The following EDA variants were observed in gnomAD, a reference collection of about 807,000 sequenced individuals.
EDA encodes ectodysplasin A.
In EDA, 2 loss-of-function variants were observed where a neutral mutation model predicts 23.6. The ratio of observed to expected loss-of-function variants is 0.08; its 90% CI spans 0.03 to 0.27. The LOEUF (loss-of-function observed/expected upper bound fraction) is 0.27. Ranked by LOEUF, EDA falls within the 10% of genes least tolerant of loss-of-function variation. EDA has a pLI of 1.00. For missense variants in EDA, 229 were observed against 324.2 expected (o/e 0.71, Z 2.26); for synonymous variants, 131 against 132.0 (o/e 0.99, Z 0.05).
chrX:69,761,714 C>A lies in EDA; in HGVS notation c.396+145010C>A, dbSNP rs769882321. On this transcript the variant is annotated intron_variant, in intron 1 of 7. Transcript: ENST00000374552. Reference sequence around the variant, plus strand: ...ATAGGAATAGGACTGTTTGCCCCTACACTAAATGTCCCCAGACTACTATGC... The same window carrying A: ...ATAGGAATAGGACTGTTTGCCCCTAAACTAAATGTCCCCAGACTACTATGC... Among the ~76,000 whole-genome samples, 12 of 112,126 alleles carry A rather than the reference C, an allele frequency of 1.1e-4. No individual in the cohort carries two copies. In the South Asian group the frequency reaches 3.0e-3, roughly 28 times the overall value.
intron 3 of EDA, among the ~76,000 whole-genome samples, chrX:70,025,562 G>A (rs989457649): frequency 2.7e-5 from 3 of 111,823 alleles, no homozygotes; most frequent in African/African-American, 9.8e-5. Context: ...CTCAAGGAGA[G>A]GAAGGGATTT....
chrX:69,643,716 T>TA (rs1932869046), intron 1 of EDA, among the ~76,000 whole-genome samples: 1 of 112,215 alleles, frequency 8.9e-6, no homozygotes, highest in African/African-American at 3.2e-5. Flanking sequence ...GCCCAGATTT[T>TA]CTTTTAGGGT....
rs770654355 is a variant in EDA at position 69,710,732 on chromosome X, C to T, written c.396+94028C>T. Among the ~76,000 whole-genome samples, 1,002 of 111,356 alleles carry T rather than the reference C, an allele frequency of 9.0e-3. 22 individuals carry two copies. The highest frequency in any genetic ancestry group is 0.064 in the Admixed American group (666 of 10,441). The stretch of plus-strand genomic sequence containing the variant: ...ATCCCTTGTAAGTTGGATTCCTAGG[C>T]ATTTTATTCTCTTTGAAGCAATTGT... On this transcript the variant is annotated intron_variant, in intron 1 of 7. Coordinates refer to ENST00000374552, the MANE Select transcript of EDA (RefSeq NM_001399.5).
chrX:69,810,034 G>A (rs1241856623), intron 1 of EDA, among the ~76,000 whole-genome samples: 2 of 108,127 alleles, frequency 1.8e-5, no homozygotes, highest in African/African-American at 6.7e-5. Flanking sequence ...GGCTGAGGTG[G>A]GCGGATCACG....
chrX:69,753,034 G>C (rs1205027364), intron 1 of EDA, among the ~76,000 whole-genome samples: 4 of 110,636 alleles, frequency 3.6e-5, no homozygotes, highest in Non-Finnish European at 5.7e-5. Flanking sequence ...CCAGCTCCTG[G>C]ATTCATTGAT....
At chrX:70,034,171 G>A (rs2020234956) in intron 7 of EDA, among the ~76,000 whole-genome samples, 1 of 111,336 alleles carries the variant, frequency 9.0e-6, no homozygotes, top group South Asian at 3.9e-4. Flanking sequence ...CCCATTGTTT[G>A]CCTCCATGGG....
chrX:69,674,833 A>G (rs923014571), intron 1 of EDA, among the ~76,000 whole-genome samples: 2 of 111,303 alleles, frequency 1.8e-5, no homozygotes, highest in Non-Finnish European at 3.8e-5. Flanking sequence ...GTTTAATACT[A>G]ATTTACTACC....
At chrX:69,787,662 T>C (rs757296227) in intron 1 of EDA, among the ~76,000 whole-genome samples, 7 of 111,819 alleles carry the variant, frequency 6.3e-5, no homozygotes, top group African/African-American at 2.3e-4. Context: ...GAGAGATCCG[T>C]TGTTAGCCTG....
intron 1 of EDA, among the ~76,000 whole-genome samples, chrX:69,713,075 AG>A (rs2012145681): frequency 3.0e-5 from 2 of 66,248 alleles, no homozygotes; most frequent in Non-Finnish European, 5.4e-5. Flanking sequence ...GGGTGGGGGG[AG>A]GGGAAGGGAT....
intron 1 of EDA, among the ~76,000 whole-genome samples, chrX:69,696,776 G>A (rs1260420478): frequency 8.9e-6 from 1 of 112,168 alleles, no homozygotes; most frequent in African/African-American, 3.2e-5. Context: ...TCTTCATAGA[G>A]TAGTTTTTTC....
At chrX:69,617,400 CG>C (rs1222897501) in intron 1 of EDA, 1 of 111,233 alleles carries the variant, frequency 9.0e-6, no homozygotes, top group Non-Finnish European at 1.7e-5. Flanking sequence ...GATTCTTAAG[CG>C]GGGTAGGTGT....
At chrX:69,699,428 T>C (rs1008768617) in intron 1 of EDA, among the ~76,000 whole-genome samples, 1 of 111,160 alleles carries the variant, frequency 9.0e-6, no homozygotes, top group Non-Finnish European at 1.9e-5. Context: ...GGAGTTTCTA[T>C]GAATAGAGCA....
intron 1 of EDA, among the ~76,000 whole-genome samples, chrX:69,863,127 AC>A (rs1348391725): frequency 3.5e-4 from 38 of 109,870 alleles, no homozygotes; most frequent in African/African-American, 9.9e-4. Flanking sequence ...TCAAATTGGT[AC>A]CCAGTGAATT....
At chrX:69,866,269 C>T (rs1471818686) in intron 1 of EDA, among the ~76,000 whole-genome samples, 2 of 111,368 alleles carry the variant, frequency 1.8e-5, no homozygotes, top group Admixed American at 1.9e-4. Flanking sequence ...GTATTCCATG[C>T]ATACTCTTCC....
chrX:69,876,784 G>A (rs977887048), intron 1 of EDA, among the ~76,000 whole-genome samples: 1 of 112,112 alleles, frequency 8.9e-6, no homozygotes, highest in Non-Finnish European at 1.9e-5. Context: ...ATGCCTTTTC[G>A]TTGCTTAATA....
At chrX:69,625,127 G>C (rs989064633) in intron 1 of EDA, among the ~76,000 whole-genome samples, 6 of 111,048 alleles carry the variant, frequency 5.4e-5, no homozygotes, top group African/African-American at 2.0e-4. Context: ...CTGTTGAACA[G>C]ATTAGAGGGG....
rs531576609 is a variant in EDA at position 69,657,648 on chromosome X, G to A, written c.396+40944G>A. Among the ~76,000 whole-genome samples, 6 of 112,008 alleles carry A rather than the reference G, an allele frequency of 5.4e-5. No individual in the cohort carries two copies. The South Asian group carries it at 2.2e-3, about 41-fold the overall frequency. ...TTTAAGCCATCTTGATTTAATTTTT[G>A]TACATGGTGAAAGGTAGGGAGTCAA... is the stretch of plus-strand genomic sequence containing the variant. On this transcript the variant is annotated intron_variant, in intron 1 of 7. Coordinates refer to ENST00000374552, the MANE Select transcript of EDA (RefSeq NM_001399.5).
intron 1 of EDA, among the ~76,000 whole-genome samples, chrX:69,669,034 C>T (rs1933786941): frequency 1.8e-5 from 2 of 111,881 alleles, no homozygotes; most frequent in Non-Finnish European, 3.8e-5. Context: ...TTCTGTGTTT[C>T]TTGTAAAAAT....
intron 2 of EDA, among the ~76,000 whole-genome samples, chrX:69,996,660 C>G (rs2019660990): frequency 8.9e-6 from 1 of 111,966 alleles, no homozygotes; most frequent in Non-Finnish European, 1.9e-5. Flanking sequence ...CGGTCCTCCT[C>G]CAGATAACTC....
Sources: gnomAD v4.1 joint callset for allele counts (sites outside exome capture counted in the v4.1 genomes callset) on GRCh38, gnomAD v4.1.1 for gene constraint, MANE v1.5 for transcripts, NCBI Gene and HGNC (gene_info 2026-07-23, HGNC 2026-07-21) for gene names.